The following NHS variants were observed in gnomAD, a reference collection of about 807,000 sequenced individuals.
The protein encoded by NHS is NHS actin remodeling regulator.
In NHS, 5 loss-of-function variants were observed where a neutral mutation model predicts 72.5. The ratio of observed to expected loss-of-function variants is 0.07; its 90% CI spans 0.04 to 0.14. The LOEUF (loss-of-function observed/expected upper bound fraction) is 0.14. NHS is among the 10% of genes least tolerant of loss of function. The pLI is 1.00. For synonymous variants in NHS, 464 were observed against 547.7 expected (o/e 0.85, Z 2.13); for missense variants, 1,072 against 1,355.7 (o/e 0.79, Z 3.29).
intron 1 of NHS, among the ~76,000 whole-genome samples, chrX:17,484,266 A>G (rs946031433): frequency 8.9e-6 from 1 of 112,637 alleles, no homozygotes; most frequent in Non-Finnish European, 1.9e-5. Context: ...ACCAACCACC[A>G]CACAGTTGGA....
intron 1 of NHS, among the ~76,000 whole-genome samples, chrX:17,640,637 T>C (rs2065876326): frequency 8.9e-6 from 1 of 112,467 alleles, no homozygotes; most frequent in Admixed American, 9.4e-5. Flanking sequence ...TTCTTCAAGA[T>C]AGAGTAAATC....
At chrX:17,567,292 C>T (rs979509710) in intron 1 of NHS, among the ~76,000 whole-genome samples, 5 of 111,637 alleles carry the variant, frequency 4.5e-5, no homozygotes, top group African/African-American at 1.3e-4. Context: ...AAGGTGAAGC[C>T]GGAATGGAAT....
intron 1 of NHS, among the ~76,000 whole-genome samples, chrX:17,404,803 G>GTCTCTC (rs368840034): frequency 6.8e-4 from 66 of 96,576 alleles, no homozygotes; most frequent in Admixed American, 3.0e-3. Context: ...GTAACACTCT[G>GTCTCTC]TCTCTCTCTC....
intron 1 of NHS, among the ~76,000 whole-genome samples, chrX:17,493,381 G>A (rs2064999565): frequency 8.9e-6 from 1 of 112,174 alleles, no homozygotes; most frequent in Non-Finnish European, 1.9e-5. Context: ...CTCAGTCATG[G>A]TCTATTCCAT....
rs764152677 is a variant in NHS at position 17,728,943 on chromosome X, G to A, written c.4349+168G>A. Among the ~76,000 whole-genome samples, 9 of 112,476 alleles carry A rather than the reference G, an allele frequency of 8.0e-5. No homozygotes were observed. The South Asian group carries it at 2.9e-3, about 36-fold the overall frequency. ...TTTTTCCAAATCAAGTTGATAGACT[G>A]ATATGCAAGTTGGGAAATAGGATCT... On this transcript the variant is annotated intron_variant, in intron 8 of 8. Coordinates refer to ENST00000676302, the MANE Select transcript of NHS (RefSeq NM_001291867.2).
chrX:17,396,198 A>G (rs60794080), intron 1 of NHS, among the ~76,000 whole-genome samples: 2 of 112,365 alleles, frequency 1.8e-5, no homozygotes, highest in East Asian at 5.5e-4. Context: ...ATGATCCACT[A>G]TGAGAAATAC....
At chrX:17,615,237 C>CA (rs1491308207) in intron 1 of NHS, among the ~76,000 whole-genome samples, 6 of 94,104 alleles carry the variant, frequency 6.4e-5, no homozygotes, top group African/African-American at 8.5e-5. Flanking sequence ...CATATATATA[C>CA]GTATATATAT....
intron 3 of NHS, among the ~76,000 whole-genome samples, chrX:17,716,960 C>G (rs1417213253): frequency 9.7e-6 from 1 of 103,149 alleles, no homozygotes; most frequent in Non-Finnish European, 2.0e-5. Context: ...ATTCCCCTTA[C>G]TCTTTTTTTT....
intron 1 of NHS, chrX:17,585,939 AG>A (rs1453016685): frequency 9.0e-6 from 1 of 110,930 alleles, no homozygotes; most frequent in Non-Finnish European, 1.9e-5. Flanking sequence ...AGAAAGCAGA[AG>A]AAATGAGAAG....
At chrX:17,671,331 T>G (rs1238955056) in intron 1 of NHS, among the ~76,000 whole-genome samples, 2 of 112,374 alleles carry the variant, frequency 1.8e-5, no homozygotes, top group Non-Finnish European at 3.8e-5. Context: ...CCCCATTTAG[T>G]GTACCCTCCT....
chrX:17,553,316 T>C (rs929702857), intron 1 of NHS, among the ~76,000 whole-genome samples: 4 of 112,673 alleles, frequency 3.6e-5, no homozygotes, highest in East Asian at 2.8e-4. Context: ...GGCAATGAGA[T>C]GGTTAAGAGC....
In NHS at chrX:17,534,357, A is replaced by G. The variant is rs2065213379; in HGVS notation, c.566-153385A>G. Among the ~76,000 whole-genome samples the G allele has an allele frequency of 5.4e-5, 6 of 111,077 alleles. No homozygotes were observed. The South Asian group carries it at 2.3e-3, about 43-fold the overall frequency. On this transcript the variant is annotated intron_variant, in intron 1 of 8. Coordinates refer to ENST00000676302, the MANE Select transcript of NHS (RefSeq NM_001291867.2). ...GCCTGGGACATTGATTTTGGGAAGTAATGCCATGTTTTTCTTCCCCCAGGC... is the reference window on the plus strand; with the variant it reads ...GCCTGGGACATTGATTTTGGGAAGTGATGCCATGTTTTTCTTCCCCCAGGC...
At chrX:17,446,350 G>GATGGC (rs2064779556) in intron 1 of NHS, among the ~76,000 whole-genome samples, 2 of 110,982 alleles carry the variant, frequency 1.8e-5, no homozygotes, top group South Asian at 7.8e-4. Context: ...CCTGTGACCC[G>GATGGC]CACGTATACA....
intron 1 of NHS, among the ~76,000 whole-genome samples, chrX:17,657,410 T>C (rs1455010121): frequency 6.0e-3 from 1 of 168 alleles, no homozygotes; most frequent in East Asian, 0.25. Flanking sequence ...AAGGCAAAGA[T>C]AACGAGCATC....
chrX:17,531,664 C>G (rs898905403), intron 1 of NHS, among the ~76,000 whole-genome samples: 6 of 112,908 alleles, frequency 5.3e-5, no homozygotes, highest in African/African-American at 1.9e-4. Context: ...AGGGTGGGCC[C>G]TGGCTATGCT....
At chrX:17,490,536 T>G (rs773028993) in intron 1 of NHS, among the ~76,000 whole-genome samples, 73 of 112,375 alleles carry the variant, frequency 6.5e-4, no homozygotes, top group African/African-American at 2.1e-3. Flanking sequence ...AGCCTTGTAG[T>G]ATAGTTTGAA....
At chrX:17,718,962 A>G (rs1302305212) in intron 3 of NHS, among the ~76,000 whole-genome samples, 2 of 97,980 alleles carry the variant, frequency 2.0e-5, no homozygotes, top group African/African-American at 7.5e-5. Context: ...GAGGGAAGGA[A>G]GGAGGGAAGG....
At chrX:17,617,510 T>C (rs1441412546) in intron 1 of NHS, among the ~76,000 whole-genome samples, 1 of 112,470 alleles carries the variant, frequency 8.9e-6, no homozygotes, top group Admixed American at 9.4e-5. Flanking sequence ...TCCCATTGAA[T>C]GTCACCCCAG....
chrX:17,599,384 C>T (rs936904132), intron 1 of NHS, among the ~76,000 whole-genome samples: 1 of 111,457 alleles, frequency 9.0e-6, no homozygotes, highest in African/African-American at 3.3e-5. Flanking sequence ...TTGGAATCTT[C>T]TGTCTTTTAA....
Sources: gnomAD v4.1 joint callset for allele counts (sites outside exome capture counted in the v4.1 genomes callset) on GRCh38, gnomAD v4.1.1 for gene constraint, MANE v1.5 for transcripts, NCBI Gene and HGNC (gene_info 2026-07-23, HGNC 2026-07-21) for gene names.